The following MAP3K7 variants were observed in gnomAD, a reference collection of about 807,000 sequenced individuals.
The protein encoded by MAP3K7 is mitogen-activated protein kinase kinase kinase 7.
MAP3K7 carries 21 observed loss-of-function variants against 84.8 expected under a neutral mutation model. That is an observed-to-expected ratio of 0.25 (90% CI 0.18 to 0.36). The LOEUF is 0.36. Ranked by LOEUF, MAP3K7 falls within the 10% of genes least tolerant of loss-of-function variation. The pLI, the probability that MAP3K7 is intolerant of heterozygous loss-of-function variation, is 1.00. For missense variants in MAP3K7, 503 were observed against 747.7 expected (o/e 0.67, Z 3.82); for synonymous variants, 241 against 247.7 (o/e 0.97, Z 0.25).
intron 1 of MAP3K7, among the ~76,000 whole-genome samples, chr6:90,579,681 T>C (rs2127784755): frequency 6.6e-6 from 1 of 152,360 alleles, no homozygotes; most frequent in East Asian, 1.9e-4. Flanking sequence ...TTATCTCATT[T>C]TAATTAAGTC....
rs157429 is a variant in MAP3K7 at position 90,568,832 on chromosome 6, C to G, written c.232-209G>C. On this transcript the variant is annotated intron_variant, in intron 2 of 16. Coordinates refer to ENST00000369329, the MANE Select transcript of MAP3K7 (RefSeq NM_145331.3). ...CAGAATCCCTGTTCTCCAGCTCATA[C>G]AGTTTAGCTGGAGAGATAGACATCT... Among the ~76,000 whole-genome samples the G allele has an allele frequency of 0.34, 52,139 of 152,042 alleles. 9,121 individuals are homozygous for G. The highest frequency in any genetic ancestry group is 0.42 in the South Asian group (2,034 of 4,816).
intron 15 of MAP3K7, 60 bp downstream of exon 15, chr6:90,519,198 G>A: frequency 8.9e-7 from 1 of 1,124,232 alleles, no homozygotes; most frequent in Non-Finnish European, 1.3e-6. Context: ...CAACACAATT[G>A]TCAACTTAAA....
intron 1 of MAP3K7, among the ~76,000 whole-genome samples, chr6:90,586,378 CAAAAAA>C (rs71027942): frequency 1.3e-5 from 1 of 78,562 alleles, no homozygotes; most frequent in Non-Finnish European, 2.4e-5. Context: ...GACTCCGTCT[CAAAAAA>C]AAAAAAAAAA....
At chr6:90,519,393 G>T in intron 14 of MAP3K7, 74 bp from the exon 15 acceptor site, 2 of 960,286 alleles carry the variant, frequency 2.1e-6, no homozygotes, top group Non-Finnish European at 1.6e-6. Flanking sequence ...AAGCATGAAT[G>T]AAATGCTTTT....
intron 6 of MAP3K7, among the ~76,000 whole-genome samples, chr6:90,554,763 T>A (rs879339363): frequency 1.4e-4 from 22 of 152,264 alleles, no homozygotes; most frequent in Admixed American, 1.2e-3. Flanking sequence ...CATAAAGGTA[T>A]ATTAAATAAG....
At chr6:90,547,151 TA>T (rs537925431) in intron 11 of MAP3K7, 106 bp downstream of exon 11, 955 of 1,209,230 alleles carry the variant, frequency 7.9e-4, no homozygotes, top group Non-Finnish European at 9.0e-4. Context: ...ACTTCCTATT[TA>T]AAAAAAAATA....
intron 1 of MAP3K7, among the ~76,000 whole-genome samples, chr6:90,583,254 T>C (rs750180283): frequency 2.0e-5 from 3 of 152,216 alleles, no homozygotes; most frequent in Non-Finnish European, 4.4e-5. Flanking sequence ...CAGGACCAAC[T>C]ACACTAAAAA....
At position 90,536,397 on chromosome 6, in the gene MAP3K7, G is replaced by A. The variant is rs201097670; in HGVS notation, c.1296C>T (p.Asn432=). The change falls in exon 13 of 17, where the codon AAC becomes AAT. Residue 432 remains asparagine, a synonymous_variant. Transcript: ENST00000369329. ...GGATGGATCTACGTCTTGGCTGTCC[G>A]TTGCCTTTAAAAAGAAGAAAAAAAG... ...LDVPEIVISG[N]GQPRRRSIQD... 1.2e-5 allele frequency: 19 copies of A among 1,610,434 alleles called. No individual in the cohort carries two copies. The highest frequency in any genetic ancestry group is 2.2e-5 in the East Asian group (1 of 44,796).
intron 1 of MAP3K7, among the ~76,000 whole-genome samples, chr6:90,584,159 G>A (rs1305426886): frequency 6.6e-6 from 1 of 151,822 alleles, no homozygotes; most frequent in Non-Finnish European, 1.5e-5. Flanking sequence ...ATAAAATATT[G>A]GAAGCAACAT....
intron 13 of MAP3K7, among the ~76,000 whole-genome samples, chr6:90,535,544 ATAAT>A (rs1168797375): frequency 3.3e-5 from 5 of 152,164 alleles, no homozygotes; most frequent in African/African-American, 7.2e-5. Flanking sequence ...CAAACACCTT[ATAAT>A]TAATCTTCAT....
chr6:90,561,462 T>A (rs1448662984), intron 4 of MAP3K7, among the ~76,000 whole-genome samples, 160 bp downstream of exon 4: 1 of 152,140 alleles, frequency 6.6e-6, no homozygotes, highest in African/African-American at 2.4e-5. Context: ...TGTTATAGAA[T>A]CTTATCTTTC....
chr6:90,548,921 G>A (rs1480582641), intron 9 of MAP3K7, among the ~76,000 whole-genome samples: 1 of 151,958 alleles, frequency 6.6e-6, no homozygotes, highest in African/African-American at 2.4e-5. Context: ...GTGATGTAGA[G>A]ATAACTAGTG....
chr6:90,549,053 T>A (rs1369093286), intron 9 of MAP3K7, among the ~76,000 whole-genome samples: 1 of 151,966 alleles, frequency 6.6e-6, no homozygotes, highest in Non-Finnish European at 1.5e-5. Flanking sequence ...TTAGGAATGA[T>A]CCAGTAGAAA....
chr6:90,563,923 T>C (rs1725159009), intron 3 of MAP3K7, among the ~76,000 whole-genome samples: 1 of 152,152 alleles, frequency 6.6e-6, no homozygotes, highest in South Asian at 2.1e-4. Flanking sequence ...TCAACATTCT[T>C]AAAGAAAAGA....
At position 90,513,934 on chromosome 6, in the gene MAP3K7, T is replaced by A. The variant is rs1418802097; in HGVS notation, c.*2567A>T. 1 of 152,140 alleles carries A rather than the reference T, an allele frequency of 6.6e-6. No homozygotes were observed. Among genetic ancestry groups the A allele is most frequent in the African/African-American group, 2.4e-5 (1 of 41,440 alleles). 9.4% of individuals were successfully genotyped at this position (152,140 alleles called of 1,614,324 possible). A position where few individuals can be genotyped will look rare whatever the true frequency, so the allele number is the denominator to read the frequency against. On this transcript the variant is annotated 3_prime_UTR_variant, in exon 17 of 17. Transcript: ENST00000369329. The stretch of plus-strand genomic sequence containing the variant: ...ACTTGTAACAAATCTTTATATGTTG[T>A]GTTGCTATGCGGTAAATATTCTTAA...
intron 13 of MAP3K7, among the ~76,000 whole-genome samples, chr6:90,532,458 G>GC (rs1775539904): frequency 6.6e-6 from 1 of 152,142 alleles, no homozygotes; most frequent in Admixed American, 6.5e-5. Context: ...AGATAAGGGT[G>GC]CAGAAGCTCA....
intron 3 of MAP3K7, among the ~76,000 whole-genome samples, chr6:90,567,714 T>C (rs1776756133): frequency 6.6e-6 from 1 of 152,190 alleles, no homozygotes; most frequent in Non-Finnish European, 1.5e-5. Flanking sequence ...CACTACTGGG[T>C]ATATACCCAA....
chr6:90,541,676 G>C (rs1025058604), intron 12 of MAP3K7, among the ~76,000 whole-genome samples: 5 of 151,988 alleles, frequency 3.3e-5, no homozygotes, highest in African/African-American at 1.2e-4. Flanking sequence ...TATGATCTGA[G>C]AGACTACTAA....
intron 13 of MAP3K7, among the ~76,000 whole-genome samples, chr6:90,533,059 A>G (rs1278667206): frequency 6.6e-6 from 1 of 152,186 alleles, no homozygotes; most frequent in Admixed American, 6.5e-5. Context: ...TCTCATCCTC[A>G]CTTTACCTGG....
Sources: allele counts gnomAD v4.1 joint callset (sites outside exome capture counted in the v4.1 genomes callset), GRCh38; gene constraint gnomAD v4.1.1; transcripts MANE v1.5; gene names NCBI Gene and HGNC (gene_info 2026-07-23, HGNC 2026-07-21).